SCAI: variants seen among roughly 807,000 people sequenced by gnomAD.
SCAI encodes protein SCAI.
A neutral mutation model predicts 92.2 loss-of-function variants in SCAI; 24 were observed. The observed-to-expected ratio is 0.26, with a 90% confidence interval of 0.19 to 0.37. SCAI has a LOEUF of 0.37. Among genes scored for constraint, SCAI ranks in the 10% least tolerant of loss-of-function variants. SCAI has a pLI of 1.00. For missense variants in SCAI, 450 were observed against 736.2 expected (o/e 0.61, Z 4.50); for synonymous variants, 261 against 258.6 (o/e 1.01, Z -0.09).
intron 2 of SCAI, among the ~76,000 whole-genome samples, chr9:125,059,018 GA>G (rs1383527978): frequency 6.6e-6 from 1 of 152,188 alleles, no homozygotes; most frequent in African/African-American, 2.4e-5. Flanking sequence ...TGAATAAATG[GA>G]AAGTGTGGTA....
At chr9:125,040,920 C>T in intron 3 of SCAI, among the ~76,000 whole-genome samples, 1 of 152,068 alleles carries the variant, frequency 6.6e-6, no homozygotes, top group East Asian at 1.9e-4. Flanking sequence ...AGGTGTGAGC[C>T]ACCGCACCCG....
chr9:125,091,292 T>C lies in SCAI; in HGVS notation c.99-35285A>G, dbSNP rs1341742003. On this transcript the variant is annotated intron_variant, in intron 2 of 17. Transcript: ENST00000336505. The surrounding 1 kb of genome is among the most constrained non-coding windows in gnomAD (Gnocchi z 4.3). ...TTTTCTGAACCAGATTCTCCAGTCT[T>C]TCCATCCATGCTGTGAGGTACTTGA... 6.6e-6 allele frequency among the ~76,000 whole-genome samples: 1 copy of C among 152,342 alleles called. No homozygotes were observed. The highest frequency in any genetic ancestry group is 1.9e-4 in the East Asian group (1 of 5,184).
chr9:125,113,311 A>G (rs1834966035), intron 2 of SCAI, among the ~76,000 whole-genome samples: 1 of 152,200 alleles, frequency 6.6e-6, no homozygotes, highest in Non-Finnish European at 1.5e-5. Context: ...TAAAAATCCA[A>G]TCTAATCATG....
At chr9:125,081,529 A>G (rs752345111) in intron 2 of SCAI, among the ~76,000 whole-genome samples, 5 of 152,202 alleles carry the variant, frequency 3.3e-5, no homozygotes, top group Non-Finnish European at 5.9e-5. Flanking sequence ...TCTAAGCAGC[A>G]AAGCATTCAA....
chr9:125,069,540 G>A (rs998334698), intron 2 of SCAI, among the ~76,000 whole-genome samples: 14 of 149,266 alleles, frequency 9.4e-5, no homozygotes, highest in Admixed American at 9.4e-4. Flanking sequence ...GGATGGTCTC[G>A]ATCTCCTGAC....
chr9:124,955,440 C>A (rs1238814924), intron 17 of SCAI, among the ~76,000 whole-genome samples: 1 of 151,784 alleles, frequency 6.6e-6, no homozygotes, highest in Non-Finnish European at 1.5e-5. Context: ...TGGCCTTATT[C>A]GTTTTTTAGT....
intron 2 of SCAI, among the ~76,000 whole-genome samples, chr9:125,130,139 T>C (rs891944421): frequency 6.6e-6 from 1 of 152,104 alleles, no homozygotes; most frequent in East Asian, 1.9e-4. Flanking sequence ...CCTCAGGTGA[T>C]CCGCCCGCCT....
chr9:125,060,504 T>TA (rs374666521), intron 2 of SCAI, among the ~76,000 whole-genome samples: 8 of 152,326 alleles, frequency 5.3e-5, no homozygotes, highest in Non-Finnish European at 1.0e-4. Context: ...TTCAGTATGC[T>TA]AGTGATATGG....
At chr9:125,026,031 G>C (rs1247863027) in intron 6 of SCAI, among the ~76,000 whole-genome samples, 2 of 152,186 alleles carry the variant, frequency 1.3e-5, no homozygotes, top group East Asian at 3.9e-4. Flanking sequence ...TTCTCCAGAA[G>C]ATCTCTGATT....
chr9:125,062,315 A>G lies in SCAI; in HGVS notation c.99-6308T>C, dbSNP rs142838789. Among the ~76,000 whole-genome samples, 609 of 151,726 alleles carry G rather than the reference A, an allele frequency of 4.0e-3. 3 individuals carry two copies. Among genetic ancestry groups the G allele is most frequent in the Non-Finnish European group, 6.5e-3 (444 of 67,896 alleles). On this transcript the variant is annotated intron_variant, in intron 2 of 17. Transcript: ENST00000336505. ...ATTTTTTGTATTTTTTTGTAGAGAC[A>G]TGGTCTCCCCATGTTGCCCAGGTTG...
At chr9:124,991,351 C>CAAAAAA (rs34976572) in intron 14 of SCAI, among the ~76,000 whole-genome samples, 5 of 40,244 alleles carry the variant, frequency 1.2e-4, no homozygotes, top group South Asian at 1.3e-3. Context: ...AACTCCGTCT[C>CAAAAAA]AAAAAAAAAA....
chr9:125,090,440 CGATGGAGA>C (rs1564408835), intron 2 of SCAI, among the ~76,000 whole-genome samples: 1 of 147,186 alleles, frequency 6.8e-6, no homozygotes, highest in African/African-American at 2.5e-5. Flanking sequence ...GAGTAAGGAG[CGATGGAGA>C]GATGAGGAAG....
At chr9:124,982,548 C>T (rs2131602795) in intron 14 of SCAI, among the ~76,000 whole-genome samples, 1 of 151,978 alleles carries the variant, frequency 6.6e-6, no homozygotes, top group African/African-American at 2.4e-5. Context: ...GGTATGGTAA[C>T]ATGCACCTGT....
intron 13 of SCAI, among the ~76,000 whole-genome samples, chr9:124,998,303 A>C (rs1832286545): frequency 6.6e-6 from 1 of 152,166 alleles, no homozygotes; most frequent in African/African-American, 2.4e-5. Flanking sequence ...AAATAAAAAA[A>C]TTAGCCAGGC....
chr9:125,129,261 T>C (rs1336473125), intron 2 of SCAI, among the ~76,000 whole-genome samples: 2 of 149,932 alleles, frequency 1.3e-5, no homozygotes, highest in African/African-American at 4.9e-5. Context: ...GTTAACATGG[T>C]GAAACCCCGT....
intron 14 of SCAI, among the ~76,000 whole-genome samples, chr9:124,982,107 G>C (rs928137519): frequency 6.6e-6 from 1 of 152,040 alleles, no homozygotes; most frequent in Non-Finnish European, 1.5e-5. Context: ...ATTTTGTCTG[G>C]AAACAGTATC....
In SCAI at chr9:125,003,583, A is replaced by G. The variant is rs374928482; in HGVS notation, c.862-13T>C. ...CACTGAACTTAACCTGCAAGAAAAA[A>G]AAAAACAAACACAACCTAGCCTTAA... On this transcript the variant is annotated splice_polypyrimidine_tract_variant and intron_variant, in intron 9 of 17. Coordinates refer to ENST00000336505, the MANE Select transcript of SCAI (RefSeq NM_001144877.3). 3.9e-6 allele frequency: 6 copies of G among 1,558,352 alleles called. No homozygotes were observed. In the Admixed American group the frequency reaches 8.6e-5, roughly 22 times the overall value.
chr9:124,989,875 T>G (rs1832081758), intron 14 of SCAI, among the ~76,000 whole-genome samples: 1 of 111,218 alleles, frequency 9.0e-6, no homozygotes, highest in African/African-American at 3.6e-5. Flanking sequence ...AGACTGCATC[T>G]CACACACACA....
chr9:125,092,318 T>C (rs543057204), intron 2 of SCAI, among the ~76,000 whole-genome samples: 2 of 151,042 alleles, frequency 1.3e-5, no homozygotes, highest in African/African-American at 4.9e-5. Context: ...AATAAATAAA[T>C]ATTAGCCAGG....
Sources: gnomAD v4.1 joint callset for allele counts (sites outside exome capture counted in the v4.1 genomes callset) on GRCh38, gnomAD v4.1.1 for gene constraint, Gnocchi (gnomAD v3.1) non-coding constraint, MANE v1.5 for transcripts, NCBI Gene and HGNC (gene_info 2026-07-23, HGNC 2026-07-21) for gene names.